Variants in TMEM132B observed in about 807,000 individuals in gnomAD.
TMEM132B encodes transmembrane protein 132B.
A neutral mutation model predicts 90.8 loss-of-function variants in TMEM132B; 18 were observed. The observed-to-expected ratio is 0.20, with a 90% CI of 0.14 to 0.29. The LOEUF is 0.29. Among genes scored for constraint, TMEM132B ranks in the 10% least tolerant of loss-of-function variants. TMEM132B has a pLI of 1.00. For synonymous variants in TMEM132B, 504 were observed against 523.3 expected (o/e 0.96, Z 0.50); for missense variants, 1,096 against 1,326.8 (o/e 0.83, Z 2.70).
intron 1 of TMEM132B, among the ~76,000 whole-genome samples, chr12:125,247,666 C>CA (rs1459701141): frequency 1.3e-5 from 2 of 152,130 alleles, no homozygotes; most frequent in African/African-American, 4.8e-5. Context: ...CCTGGCTAAT[C>CA]AGAGCACAGC....
intron 2 of TMEM132B, among the ~76,000 whole-genome samples, chr12:125,371,701 C>A (rs191907063): frequency 6.6e-6 from 1 of 152,228 alleles, no homozygotes; most frequent in Non-Finnish European, 1.5e-5. Context: ...GTCTGGTTGA[C>A]ATTTTGTCGA....
At chr12:125,235,728 G>T (rs1324688821) in intron 1 of TMEM132B, among the ~76,000 whole-genome samples, 1 of 150,756 alleles carries the variant, frequency 6.6e-6, no homozygotes, top group African/African-American at 2.4e-5. Context: ...GTGACCCTTT[G>T]TGTCTGGCTT....
At chr12:125,648,151 GT>G (rs1886815184) in intron 6 of TMEM132B, among the ~76,000 whole-genome samples, 1 of 149,832 alleles carries the variant, frequency 6.7e-6, no homozygotes, top group Non-Finnish European at 1.5e-5. Flanking sequence ...AGAATATGCG[GT>G]GTTCGGTTTT....
At chr12:125,228,203 G>A (rs1375345832) in intron 1 of TMEM132B, among the ~76,000 whole-genome samples, 3 of 152,048 alleles carry the variant, frequency 2.0e-5, no homozygotes, top group Admixed American at 2.0e-4. Flanking sequence ...CTCGGTTTCC[G>A]AGCCTCAGAA....
At chr12:125,582,687 G>A (rs1186724325) in intron 4 of TMEM132B, among the ~76,000 whole-genome samples, 2 of 152,198 alleles carry the variant, frequency 1.3e-5, no homozygotes, top group African/African-American at 2.4e-5. Flanking sequence ...AAATACTGTA[G>A]AGAACTTACT....
At chr12:125,583,799 GC>G in intron 4 of TMEM132B, 51 bp from the exon 5 acceptor site, 3 of 1,599,180 alleles carry the variant, frequency 1.9e-6, no homozygotes, top group Non-Finnish European at 2.6e-6. Flanking sequence ...TCTCCTGCTC[GC>G]CCCTGTGGTA....
At chr12:125,331,687 G>A (rs929728412) in intron 1 of TMEM132B, among the ~76,000 whole-genome samples, 10 of 152,190 alleles carry the variant, frequency 6.6e-5, no homozygotes, top group Admixed American at 2.0e-4. Context: ...TGTGACCTTA[G>A]GCAAGTTTTT....
chr12:125,310,213 C>T (rs1876090651), intron 1 of TMEM132B, among the ~76,000 whole-genome samples: 1 of 152,166 alleles, frequency 6.6e-6, no homozygotes, highest in African/African-American at 2.4e-5. Flanking sequence ...GATGGATCTA[C>T]TGGTGTGACC....
In TMEM132B at chr12:125,657,070, G is replaced by A. The variant is rs1364052789; in HGVS notation, c.*2360G>A. 6.6e-6 allele frequency: 1 copy of A among 152,210 alleles called. No homozygotes were observed. The highest frequency in any genetic ancestry group is 1.5e-5 in the Non-Finnish European group (1 of 68,054). The allele number at this position is 152,210 out of a possible 1,614,324, so 9.4% of individuals were successfully genotyped here. On this transcript the variant is annotated 3_prime_UTR_variant, in exon 9 of 9. Transcript: ENST00000682704. Reference sequence around the variant, plus strand: ...ATTCCCTCTGATGGCAGTGCTTGACGGGGTGCAGGGAACAAACTGGGGAGC... The same window carrying A: ...ATTCCCTCTGATGGCAGTGCTTGACAGGGTGCAGGGAACAAACTGGGGAGC...
chr12:125,204,437 C>T lies in TMEM132B; in HGVS notation c.67+17571C>T, dbSNP rs1460741548. Among the ~76,000 whole-genome samples the T allele has an allele frequency of 2.4e-5, 3 of 126,772 alleles. 1 individual carries two copies. Among genetic ancestry groups the T allele is most frequent in the Non-Finnish European group, 5.5e-5 (3 of 54,648 alleles). The allele number at this position is 126,772 out of a possible 152,430, so 83.2% of individuals were successfully genotyped here. ...ATCTCATGAATCCTTTCAATGAGGG[C>T]TCCGTGTACCAGGCACTGTGCTTAG... On this transcript the variant is annotated intron_variant, in intron 1 of 8. Coordinates refer to ENST00000682704, the MANE Select transcript of TMEM132B (RefSeq NM_001366854.1).
intron 4 of TMEM132B, among the ~76,000 whole-genome samples, chr12:125,566,584 G>T (rs1288339662): frequency 6.6e-6 from 1 of 152,128 alleles, no homozygotes; most frequent in African/African-American, 2.4e-5. Context: ...GTTCTGAGGG[G>T]CATTCTGTTC....
At chr12:125,535,310 A>G (rs1883767213) in intron 4 of TMEM132B, among the ~76,000 whole-genome samples, 2 of 152,184 alleles carry the variant, frequency 1.3e-5, no homozygotes, top group Non-Finnish European at 2.9e-5. Context: ...CACTTTAATG[A>G]GATCCTGAGC....
chr12:125,213,858 C>T lies in TMEM132B; in HGVS notation c.67+26992C>T, dbSNP rs1030281839. Reference sequence around the variant, plus strand: ...ATCTACTTTACAAAAATGGCAGATGCTAGGTTGCCACCAAATCTGTCTTTA... The same window carrying T: ...ATCTACTTTACAAAAATGGCAGATGTTAGGTTGCCACCAAATCTGTCTTTA... On this transcript the variant is annotated intron_variant, in intron 1 of 8. Transcript: ENST00000682704. The surrounding 1 kb of genome is among the most constrained non-coding windows in gnomAD (Gnocchi z 4.2). 2.0e-5 allele frequency among the ~76,000 whole-genome samples: 3 copies of T among 152,220 alleles called. No homozygotes were observed. The highest frequency in any genetic ancestry group is 7.2e-5 in the African/African-American group (3 of 41,444).
At chr12:125,515,395 TCA>T (rs1491024125) in intron 3 of TMEM132B, among the ~76,000 whole-genome samples, 2 of 91,834 alleles carry the variant, frequency 2.2e-5, no homozygotes, top group Non-Finnish European at 4.0e-5. Context: ...ACACATTCTC[TCA>T]CAAATACATT....
chr12:125,307,763 GCAAGTATATATAC>G (rs1876017253), intron 1 of TMEM132B, among the ~76,000 whole-genome samples: 1 of 38,424 alleles, frequency 2.6e-5, no homozygotes, highest in Non-Finnish European at 4.7e-5. Flanking sequence ...TACTTATATT[GCAAGTATATATAC>G]TTATAATACA....
intron 4 of TMEM132B, among the ~76,000 whole-genome samples, chr12:125,565,738 G>A (rs1341830075): frequency 6.6e-6 from 1 of 152,158 alleles, no homozygotes; most frequent in Non-Finnish European, 1.5e-5. Context: ...TTTCTCTGCT[G>A]CACTATTATG....
At chr12:125,352,184 T>C (rs1877609398) in intron 2 of TMEM132B, among the ~76,000 whole-genome samples, 1 of 152,246 alleles carries the variant, frequency 6.6e-6, no homozygotes, top group South Asian at 2.1e-4. Flanking sequence ...ATCCCTGCCC[T>C]GTTTGATGTG....
intron 3 of TMEM132B, among the ~76,000 whole-genome samples, chr12:125,438,802 A>G (rs538700633): frequency 1.3e-5 from 2 of 152,290 alleles, no homozygotes; most frequent in East Asian, 3.9e-4. Context: ...CAAACTTTAT[A>G]TGAATGGCAT....
intron 4 of TMEM132B, among the ~76,000 whole-genome samples, chr12:125,568,703 ACT>A (rs1884720259): frequency 2.0e-5 from 3 of 151,900 alleles, no homozygotes; most frequent in African/African-American, 7.3e-5. Flanking sequence ...AGCTTTTACC[ACT>A]CACTTTGTAG....
Sources: gnomAD v4.1 joint callset for allele counts (sites outside exome capture counted in the v4.1 genomes callset) on GRCh38, gnomAD v4.1.1 for gene constraint, Gnocchi (gnomAD v3.1) non-coding constraint, MANE v1.5 for transcripts, NCBI Gene and HGNC (gene_info 2026-07-23, HGNC 2026-07-21) for gene names.